The following TNFAIP8 variants were observed in gnomAD, a reference collection of about 807,000 sequenced individuals.
The protein encoded by TNFAIP8 is TNF alpha induced protein 8.
TNFAIP8 carries 7 observed loss-of-function variants against 13.3 expected under a neutral mutation model. The ratio of observed to expected loss-of-function variants is 0.52; its 90% CI spans 0.30 to 0.99. The LOEUF (loss-of-function observed/expected upper bound fraction) is 0.99, where lower values mean the gene tolerates loss of function less well. Among genes scored for constraint, TNFAIP8 ranks in the 50% least tolerant of loss-of-function variants. TNFAIP8 has a pLI of 0.07. For synonymous variants in TNFAIP8, 94 were observed against 87.6 expected (o/e 1.07, Z -0.41); for missense variants, 258 against 236.9 (o/e 1.09, Z -0.58).
chr5:119,333,585 T>G, intron 1 of TNFAIP8: 1 of 1,535,634 alleles, frequency 6.5e-7, no homozygotes, highest in Non-Finnish European at 8.7e-7. Context: ...CAAGATACTG[T>G]GAAGTTGTCC....
chr5:119,355,094 C>T (rs1751333144), upstream of TNFAIP8: 2 of 536,892 alleles, frequency 3.7e-6, no homozygotes, highest in Non-Finnish European at 6.7e-6. Context: ...GACTTCCTCT[C>T]AGCCAATTTG....
chr5:119,355,487 C>CATAT (rs1751355693), upstream of TNFAIP8: 7 of 616,256 alleles, frequency 1.1e-5, no homozygotes, highest in Non-Finnish European at 2.1e-5. Flanking sequence ...ACCCCATGGA[C>CATAT]GATATCCATG....
chr5:119,294,464 G>A (rs1387778585), intron 1 of TNFAIP8, among the ~76,000 whole-genome samples: 2 of 152,086 alleles, frequency 1.3e-5, no homozygotes, highest in Non-Finnish European at 2.9e-5. Context: ...CATTTGGGTT[G>A]GTTCCAAGTC....
intron 1 of TNFAIP8, among the ~76,000 whole-genome samples, chr5:119,365,686 CTTA>C (rs899525722): frequency 2.6e-5 from 4 of 152,120 alleles, no homozygotes; most frequent in African/African-American, 4.8e-5. Flanking sequence ...ACTGAGTGTT[CTTA>C]TTATTAAGCA....
At chr5:119,328,283 G>A (rs1454469777) in intron 1 of TNFAIP8, among the ~76,000 whole-genome samples, 1 of 152,154 alleles carries the variant, frequency 6.6e-6, no homozygotes, top group Non-Finnish European at 1.5e-5. Context: ...AAAGTGCTGG[G>A]ATTACAGGCA....
chr5:119,331,050 G>A (rs913019072), intron 1 of TNFAIP8, among the ~76,000 whole-genome samples: 2 of 151,930 alleles, frequency 1.3e-5, no homozygotes, highest in African/African-American at 4.8e-5. Context: ...CACCAGGCAG[G>A]GCTCCTAGGG....
chr5:119,325,573 G>A (rs1360152410), intron 1 of TNFAIP8, among the ~76,000 whole-genome samples: 1 of 152,130 alleles, frequency 6.6e-6, no homozygotes. Context: ...TCAGCCTCCC[G>A]AGTAGCTGGG....
At chr5:119,331,171 A>G (rs954651585) in intron 1 of TNFAIP8, among the ~76,000 whole-genome samples, 8 of 152,084 alleles carry the variant, frequency 5.3e-5, no homozygotes, top group African/African-American at 1.9e-4. Flanking sequence ...GAGTGTCTTA[A>G]TTCACAAGTC....
At chr5:119,274,543 C>T (rs1036863824) in intron 1 of TNFAIP8, among the ~76,000 whole-genome samples, 2 of 152,204 alleles carry the variant, frequency 1.3e-5, no homozygotes, top group Non-Finnish European at 2.9e-5. Context: ...TCCCAACATC[C>T]GGTGATGACC....
chr5:119,339,155 C>T (rs1750653858), intron 1 of TNFAIP8, among the ~76,000 whole-genome samples: 1 of 152,188 alleles, frequency 6.6e-6, no homozygotes, highest in Non-Finnish European at 1.5e-5. Flanking sequence ...ACTTCATATC[C>T]ACCATACACT....
At chr5:119,327,031 C>G (rs1166313191) in intron 1 of TNFAIP8, among the ~76,000 whole-genome samples, 1 of 152,102 alleles carries the variant, frequency 6.6e-6, no homozygotes, top group African/African-American at 2.4e-5. Flanking sequence ...GAAGTATATA[C>G]CACAGGATAG....
At chr5:119,371,372 T>C (rs572722523) in intron 1 of TNFAIP8, among the ~76,000 whole-genome samples, 3 of 152,322 alleles carry the variant, frequency 2.0e-5, no homozygotes, top group East Asian at 3.9e-4. Context: ...CAGTAGCGTC[T>C]GTTTCCTTCA....
At chr5:119,330,610 G>A (rs542379591) in intron 1 of TNFAIP8, among the ~76,000 whole-genome samples, 56 of 152,168 alleles carry the variant, frequency 3.7e-4, no homozygotes, top group African/African-American at 1.2e-3. Context: ...TCTGACACTC[G>A]CTTTGGAAAC....
At chr5:119,359,248 G>A (rs905222835) in intron 1 of TNFAIP8, among the ~76,000 whole-genome samples, 1 of 152,074 alleles carries the variant, frequency 6.6e-6, no homozygotes, top group African/African-American at 2.4e-5. Flanking sequence ...TAGGACATTG[G>A]CACTTGCTGG....
chr5:119,380,588 G>T (rs192469682), intron 1 of TNFAIP8, among the ~76,000 whole-genome samples: 103 of 152,280 alleles, frequency 6.8e-4, no homozygotes, highest in African/African-American at 2.2e-3. Flanking sequence ...CAGCTTAATT[G>T]AAAAGTCTTT....
rs1389439904 is a variant in TNFAIP8, at chr5:119,278,374, AGAGT to A, written c.1+9469_1+9472del. Reference sequence around the variant, plus strand: ...GGGGGAGAGAGAGAGAGAGAGAGAGAGAGTGTGTGTGTGTGTGTGTGTGTGTGTG... The same window carrying A: ...GGGGGAGAGAGAGAGAGAGAGAGAGAGTGTGTGTGTGTGTGTGTGTGTGTG... On this transcript the variant is annotated intron_variant, in intron 1 of 1. Transcript: ENST00000274456. Among the ~76,000 whole-genome samples the A allele has an allele frequency of 3.9e-3, 485 of 123,174 alleles. 2 individuals carry two copies. The highest frequency in any genetic ancestry group is 0.015 in the African/African-American group (408 of 26,714). The allele number at this position is 123,174 out of a possible 152,430, so 80.8% of individuals were successfully genotyped here.
chr5:119,383,844 C>G (rs531330867), intron 1 of TNFAIP8, among the ~76,000 whole-genome samples: 7 of 151,862 alleles, frequency 4.6e-5, no homozygotes, highest in Middle Eastern at 3.4e-3. Flanking sequence ...TGCTTATAAA[C>G]TGCTCAAGTT....
chr5:119,369,348 C>G (rs1479862695), intron 1 of TNFAIP8, among the ~76,000 whole-genome samples: 2 of 152,224 alleles, frequency 1.3e-5, no homozygotes, highest in Non-Finnish European at 1.5e-5. Flanking sequence ...GCCACCGCAC[C>G]TGGCCCAAAC....
At position 119,342,573 on chromosome 5, in the gene TNFAIP8, A is replaced by C. The variant is rs250301; in HGVS notation, c.2-50243A>C. Among the ~76,000 whole-genome samples, 484 of 152,172 alleles carry C rather than the reference A, an allele frequency of 3.2e-3. 19 individuals are homozygous for C. The East Asian group carries it at 0.088, about 28-fold the overall frequency. On this transcript the variant is annotated intron_variant, in intron 1 of 1. Coordinates refer to the TNFAIP8 transcript ENST00000274456. ...TCTCTCAACTTACTCCCTTCAGGAAAATTTCTTGAATGAATAGTCCACCAG... is the reference window on the plus strand; with the variant it reads ...TCTCTCAACTTACTCCCTTCAGGAACATTTCTTGAATGAATAGTCCACCAG...
Sources: gnomAD v4.1 joint callset for allele counts (sites outside exome capture counted in the v4.1 genomes callset) on GRCh38, gnomAD v4.1.1 for gene constraint, MANE v1.5 for transcripts, NCBI Gene and HGNC (gene_info 2026-07-23, HGNC 2026-07-21) for gene names.